Variants in CCDC91 observed in about 807,000 individuals in gnomAD.
The protein encoded by CCDC91 is coiled-coil domain containing 91.
In CCDC91, 48 loss-of-function variants were observed where a neutral mutation model predicts 63.2. The ratio of observed to expected loss-of-function variants is 0.76; its 90% CI spans 0.60 to 0.97. The LOEUF (loss-of-function observed/expected upper bound fraction) is 0.97, where lower values mean the gene tolerates loss of function less well. Among genes scored for constraint, CCDC91 ranks in the 50% least tolerant of loss-of-function variants. The probability of loss-of-function intolerance (pLI) is 0.00; values close to 1 mark genes in which losing one functional copy is unlikely to be tolerated. For synonymous variants in CCDC91, 167 were observed against 165.8 expected, an observed-to-expected ratio of 1.01 and a Z score of -0.06; for missense variants, 500 against 494.6, an observed-to-expected ratio of 1.01 and a Z score of -0.10.
At chr12:28,239,008 A>G (rs1419846370) in intron 1 of CCDC91, among the ~76,000 whole-genome samples, 2 of 151,710 alleles carry the variant, frequency 1.3e-5, no homozygotes. Flanking sequence ...AATCCCAGCT[A>G]CTCGGGAAGG....
intron 11 of CCDC91, among the ~76,000 whole-genome samples, chr12:28,481,897 A>G (rs531971262): frequency 2.6e-5 from 4 of 152,138 alleles, no homozygotes; most frequent in South Asian, 4.1e-4. Flanking sequence ...AAAAGTGTTA[A>G]CTGAATAACT....
chr12:28,291,519 A>G (rs1254919708), intron 3 of CCDC91, among the ~76,000 whole-genome samples: 1 of 152,168 alleles, frequency 6.6e-6, no homozygotes. Flanking sequence ...GCTGTTGTGG[A>G]TCATACCAGC....
intron 6 of CCDC91, among the ~76,000 whole-genome samples, chr12:28,316,560 T>TTTTTTTTTTTTTA: frequency 1.4e-5 from 1 of 69,690 alleles, no homozygotes; most frequent in African/African-American, 4.5e-5. Context: ...TCACACCTTT[T>TTTTTTTTTTTTTA]TTTTTTTTTT....
At chr12:28,409,301 G>A (rs1947167375) in intron 8 of CCDC91, among the ~76,000 whole-genome samples, 1 of 151,904 alleles carries the variant, frequency 6.6e-6, no homozygotes, top group Admixed American at 6.6e-5. Flanking sequence ...GCATTTTGTT[G>A]AACAAATGTA....
At chr12:28,421,949 T>C (rs1948039358) in intron 8 of CCDC91, among the ~76,000 whole-genome samples, 1 of 152,132 alleles carries the variant, frequency 6.6e-6, no homozygotes, top group Non-Finnish European at 1.5e-5. Context: ...CATCACTTTG[T>C]AAGGAGTCTT....
At chr12:28,335,961 A>C (rs964041916) in intron 6 of CCDC91, among the ~76,000 whole-genome samples, 3 of 151,622 alleles carry the variant, frequency 2.0e-5, no homozygotes, top group African/African-American at 7.3e-5. Flanking sequence ...TTAAAAAAAA[A>C]CCACACAATT....
chr12:28,387,713 A>G (rs1945690188), intron 7 of CCDC91, among the ~76,000 whole-genome samples: 1 of 152,202 alleles, frequency 6.6e-6, no homozygotes, highest in African/African-American at 2.4e-5. Flanking sequence ...TGTGAATGCC[A>G]TTAATTCATT....
intron 6 of CCDC91, among the ~76,000 whole-genome samples, chr12:28,350,960 T>C (rs572680259): frequency 6.6e-6 from 1 of 152,282 alleles, no homozygotes; most frequent in Admixed American, 6.5e-5. Context: ...ATTGCATTCA[T>C]AGGTACCAAG....
chr12:28,532,886 T>C (rs1941858171), intron 12 of CCDC91, among the ~76,000 whole-genome samples: 1 of 152,110 alleles, frequency 6.6e-6, no homozygotes. Context: ...ACCTCTAACT[T>C]TTATCAGCCA....
intron 8 of CCDC91, among the ~76,000 whole-genome samples, chr12:28,413,397 TTC>T (rs1947442675): frequency 6.6e-6 from 1 of 152,222 alleles, no homozygotes; most frequent in Non-Finnish European, 1.5e-5. Flanking sequence ...TGTGTTTAAT[TTC>T]TTTCCTAAAT....
chr12:28,285,843 C>A (rs1387165655), intron 3 of CCDC91, among the ~76,000 whole-genome samples: 1 of 151,778 alleles, frequency 6.6e-6, no homozygotes, highest in East Asian at 2.0e-4. Context: ...CTTTGCATAT[C>A]TATGTTTTGA....
chr12:28,422,323 A>T (rs1204408554), intron 8 of CCDC91, among the ~76,000 whole-genome samples: 2 of 152,104 alleles, frequency 1.3e-5, no homozygotes, highest in Non-Finnish European at 2.9e-5. Context: ...TATATGGGTT[A>T]TAGGAGGTAA....
chr12:28,451,885 G>A (rs73085958), intron 10 of CCDC91, among the ~76,000 whole-genome samples: 144 of 151,626 alleles, frequency 9.5e-4, no homozygotes, highest in Non-Finnish European at 1.7e-3. Context: ...GTGTGAGACT[G>A]GGTTTTCTTT....
chr12:28,378,955 T>G (rs1453360343), intron 7 of CCDC91, among the ~76,000 whole-genome samples: 1 of 152,106 alleles, frequency 6.6e-6, no homozygotes, highest in Non-Finnish European at 1.5e-5. Context: ...GCTATTCTTG[T>G]GGTTTTTCAA....
intron 8 of CCDC91, among the ~76,000 whole-genome samples, chr12:28,420,912 T>TATTGTCAG (rs1248713974): frequency 6.6e-6 from 1 of 152,148 alleles, no homozygotes; most frequent in African/African-American, 2.4e-5. Context: ...GGTGGCTTTC[T>TATTGTCAG]ATTGTCAGAA....
Position 28,305,781 on chromosome 12 carries a change from T to A in CCDC91, c.242T>A (p.Val81Glu). The A allele has an allele frequency of 6.2e-7, 1 of 1,612,786 alleles. No individual in the cohort carries two copies. The highest frequency in any genetic ancestry group is 8.5e-7 in the Non-Finnish European group (1 of 1,179,204). The change falls in exon 4 of 13, where the codon GTG becomes GAG. Residue 81 changes from valine (V) to glutamate (E), a missense_variant. Val to Glu is a moderately radical substitution (Grantham distance 121, BLOSUM62 -2). Coordinates refer to ENST00000536442, the MANE Select transcript of CCDC91 (RefSeq NM_018318.5). ...PENTHAANSI[V>E]SQTIPKAQIQ... ...AATACACATGCAGCAAATAGCATTGTGAGTCAAACTATTCCAAAAGCACAG... is the reference window on the plus strand; with the variant it reads ...AATACACATGCAGCAAATAGCATTGAGAGTCAAACTATTCCAAAAGCACAG...
chr12:28,529,977 AC>A (rs908606312), intron 12 of CCDC91, among the ~76,000 whole-genome samples: 5 of 152,194 alleles, frequency 3.3e-5, no homozygotes, highest in African/African-American at 1.2e-4. Context: ...TAGCATTAAC[AC>A]CCTCAGGAAA....
At chr12:28,246,740 G>A (rs1202418935) in intron 1 of CCDC91, among the ~76,000 whole-genome samples, 4 of 152,170 alleles carry the variant, frequency 2.6e-5, no homozygotes, top group African/African-American at 9.6e-5. Context: ...AAGCCACAAA[G>A]ATGGTCACTA....
chr12:28,439,564 G>A (rs1038637484), intron 8 of CCDC91, among the ~76,000 whole-genome samples: 6 of 152,014 alleles, frequency 3.9e-5, no homozygotes, highest in African/African-American at 1.4e-4. Flanking sequence ...TGAAGTTTGT[G>A]GATGTATGGT....
Sources: gnomAD v4.1 joint callset for allele counts (sites outside exome capture counted in the v4.1 genomes callset) on GRCh38, gnomAD v4.1.1 for gene constraint, MANE v1.5 for transcripts, NCBI Gene and HGNC (gene_info 2026-07-23, HGNC 2026-07-21) for gene names.